The following SSPN variants were observed in gnomAD, a reference collection of about 807,000 sequenced individuals.
SSPN encodes K-ras oncogene-associated protein.
SSPN carries 15 observed loss-of-function variants against 19.1 expected under a neutral mutation model. That is an observed-to-expected ratio of 0.78 (90% CI 0.52 to 1.21). SSPN has a LOEUF of 1.21. SSPN is among the 50% of genes most tolerant of loss of function. The pLI is 0.00. For missense variants in SSPN, 291 were observed against 314.0 expected, an observed-to-expected ratio of 0.93 and a Z score of 0.55; for synonymous variants, 147 against 140.3, an observed-to-expected ratio of 1.05 and a Z score of -0.34.
intron 1 of SSPN, among the ~76,000 whole-genome samples, chr12:26,188,433 C>G (rs954567490): frequency 1.3e-5 from 2 of 152,184 alleles, no homozygotes; most frequent in African/African-American, 4.8e-5. Flanking sequence ...TGCAGTCAGA[C>G]AATGACTCAG....
chr12:26,164,560 G>A (rs1409675345), intron 1 of SSPN, among the ~76,000 whole-genome samples: 3 of 152,116 alleles, frequency 2.0e-5, no homozygotes, highest in Admixed American at 2.0e-4. Flanking sequence ...AACCTATGAC[G>A]TGATGACAGA....
intron 1 of SSPN, among the ~76,000 whole-genome samples, chr12:26,217,798 T>C (rs950676143): frequency 3.3e-5 from 5 of 151,930 alleles, no homozygotes; most frequent in African/African-American, 1.2e-4. Flanking sequence ...GTTGTTGAAT[T>C]TTGCCAAAGG....
chr12:26,163,631 G>C (rs2137426764), intron 1 of SSPN, among the ~76,000 whole-genome samples: 1 of 152,228 alleles, frequency 6.6e-6, no homozygotes. Context: ...CCTTTAAAAG[G>C]ACATTAATCT....
intron 1 of SSPN, among the ~76,000 whole-genome samples, chr12:26,182,391 A>G (rs1346278040): frequency 6.6e-6 from 1 of 152,228 alleles, no homozygotes; most frequent in South Asian, 2.1e-4. Context: ...AGCATTAAGT[A>G]ATAAGAATGA....
chr12:26,185,279 G>A (rs1020285438), intron 1 of SSPN, among the ~76,000 whole-genome samples: 4 of 152,186 alleles, frequency 2.6e-5, no homozygotes, highest in African/African-American at 9.7e-5. Flanking sequence ...TGATGAAAAG[G>A]CAGGTTCCTG....
chr12:26,186,073 T>G (rs1017021475), intron 1 of SSPN, among the ~76,000 whole-genome samples: 2 of 152,188 alleles, frequency 1.3e-5, no homozygotes, highest in Admixed American at 6.5e-5. Context: ...AAAGTTAGTC[T>G]TTAGAAAATG....
intron 1 of SSPN, among the ~76,000 whole-genome samples, chr12:26,222,953 C>T (rs1945138387): frequency 6.6e-6 from 1 of 152,150 alleles, no homozygotes; most frequent in Non-Finnish European, 1.5e-5. Context: ...TTTTACTATG[C>T]CTGTCCTCCC....
chr12:26,154,706 C>T (rs1436706363), intron 1 of SSPN, among the ~76,000 whole-genome samples: 1 of 152,112 alleles, frequency 6.6e-6, no homozygotes, highest in African/African-American at 2.4e-5. Flanking sequence ...CAGCTGAGAA[C>T]CCAGTATCTA....
At position 26,234,529 on chromosome 12, in the gene SSPN, G is replaced by A. The variant is rs1036131557; in HGVS notation, c.*3453G>A. 1.3e-5 allele frequency: 2 copies of A among 152,058 alleles called. No homozygotes were observed. Among genetic ancestry groups the A allele is most frequent in the Non-Finnish European group, 2.9e-5 (2 of 68,008 alleles). The allele number at this position is 152,058 out of a possible 1,614,324, so 9.4% of individuals were successfully genotyped here. The stretch of plus-strand genomic sequence containing the variant: ...ACATTCATTTGGATGAAGAATTAGT[G>A]GTTTAGCCTTTGAAATGAATACCTT... On this transcript the variant is annotated 3_prime_UTR_variant, in exon 3 of 3. Transcript: ENST00000242729.
chr12:26,141,910 G>T (rs995189212), intron 1 of SSPN, among the ~76,000 whole-genome samples: 2 of 152,082 alleles, frequency 1.3e-5, no homozygotes, highest in Non-Finnish European at 2.9e-5. Flanking sequence ...GCTATAAAAG[G>T]GACTCATATG....
At position 26,140,026 on chromosome 12, in the gene SSPN, A is replaced by G. The variant is rs1019916738; in HGVS notation, c.-31+17874A>G. Among the ~76,000 whole-genome samples, 19 of 152,168 alleles carry G rather than the reference A, an allele frequency of 1.2e-4. 1 individual carries two copies. The highest frequency in any genetic ancestry group is 1.9e-4 in the East Asian group (1 of 5,200). ...GATCTCATCCAGGCTCATGGCTTCA[A>G]TATCATCTTTATGCTGATAATCCCA... On this transcript the variant is annotated intron_variant, in intron 1 of 2. Transcript: ENST00000538142.
chr12:26,231,285 C>G lies in SSPN; in HGVS notation c.*209C>G, dbSNP rs745457067. The G allele has an allele frequency of 1.8e-5, 13 of 737,208 alleles. No individual in the cohort carries two copies. The highest frequency in any genetic ancestry group is 2.6e-5 in the Non-Finnish European group (13 of 501,436). 45.7% of individuals were successfully genotyped at this position (737,208 alleles called of 1,614,324 possible). On this transcript the variant is annotated 3_prime_UTR_variant, in exon 3 of 3. Transcript: ENST00000242729. ...ACATTCTTGCAGAGAAAGCAAGATCCAAATTGATTTTGGGATATTAAAAGT... is the reference window on the plus strand; with the variant it reads ...ACATTCTTGCAGAGAAAGCAAGATCGAAATTGATTTTGGGATATTAAAAGT...
At chr12:26,193,591 G>T (rs1329954191), upstream of SSPN, among the ~76,000 whole-genome samples, 3 of 151,876 alleles carry the variant, frequency 2.0e-5, no homozygotes, top group Non-Finnish European at 4.4e-5. Flanking sequence ...TTGTCATTTG[G>T]GTTCTTCTCA....
intron 1 of SSPN, among the ~76,000 whole-genome samples, chr12:26,187,768 CAG>C (rs911589725): frequency 2.0e-5 from 3 of 152,044 alleles, no homozygotes; most frequent in African/African-American, 7.2e-5. Context: ...GGTGTGAGTG[CAG>C]AGAGTGGTGG....
At chr12:26,180,685 A>G (rs1262640424) in intron 1 of SSPN, 1 of 152,214 alleles carries the variant, frequency 6.6e-6, no homozygotes, top group East Asian at 1.9e-4. Flanking sequence ...TTTAAGATAC[A>G]CAAAAACTTG....
intron 1 of SSPN, among the ~76,000 whole-genome samples, chr12:26,147,740 G>C (rs1013626969): frequency 1.3e-5 from 2 of 152,220 alleles, no homozygotes; most frequent in Non-Finnish European, 2.9e-5. Context: ...AAGGGAGCAA[G>C]TGCTTGCTTT....
chr12:26,122,634 C>A, intron 1 of SSPN: 1 of 1,278,254 alleles, frequency 7.8e-7, no homozygotes, highest in Non-Finnish European at 9.9e-7. Flanking sequence ...CGCGCCGCCC[C>A]CCGGGCCGCC....
chr12:26,212,076 T>C (rs1014984724), intron 1 of SSPN, among the ~76,000 whole-genome samples: 1 of 152,206 alleles, frequency 6.6e-6, no homozygotes, highest in African/African-American at 2.4e-5. Flanking sequence ...AATTCTTAGA[T>C]ATTTTGTTTT....
At chr12:26,146,818 T>TA (rs770083050) in intron 1 of SSPN, among the ~76,000 whole-genome samples, 22 of 105,176 alleles carry the variant, frequency 2.1e-4, no homozygotes, top group African/African-American at 3.9e-4. Flanking sequence ...CAAGGCTGTC[T>TA]AAAAAAAAAA....
Sources: allele counts gnomAD v4.1 joint callset (sites outside exome capture counted in the v4.1 genomes callset), GRCh38; gene constraint gnomAD v4.1.1; transcripts MANE v1.5; gene names NCBI Gene and HGNC (gene_info 2026-07-23, HGNC 2026-07-21).